Variants in CSMD1 observed in about 807,000 individuals in gnomAD.
The protein encoded by CSMD1 is CUB and Sushi multiple domains 1, also known as CUB and sushi domain-containing protein 1.
A neutral mutation model predicts 417.5 loss-of-function variants in CSMD1; 213 were observed. That is an observed-to-expected ratio of 0.51 (90% CI 0.46 to 0.57). The LOEUF (loss-of-function observed/expected upper bound fraction) is 0.57, where lower values mean the gene tolerates loss of function less well. CSMD1 is among the 20% of genes least tolerant of loss of function. The pLI, the probability that CSMD1 is intolerant of heterozygous loss-of-function variation, is 0.00. For missense variants in CSMD1, 6,923 were observed against 4,529.7 expected, an observed-to-expected ratio of 1.53 and a Z score of -15.17; for synonymous variants, 2,862 against 1,736.8, an observed-to-expected ratio of 1.65 and a Z score of -16.11.
intron 18 of CSMD1, among the ~76,000 whole-genome samples, chr8:3,371,367 T>C (rs1437185494): frequency 6.6e-6 from 1 of 152,170 alleles, no homozygotes; most frequent in Non-Finnish European, 1.5e-5. Context: ...TCATTCCTGC[T>C]TGCTGAAGAA....
chr8:3,784,004 T>A (rs1022299000), intron 5 of CSMD1, among the ~76,000 whole-genome samples: 2 of 152,216 alleles, frequency 1.3e-5, no homozygotes, highest in Non-Finnish European at 1.5e-5. Context: ...CCTTTCTTAT[T>A]TGCAAAATGT....
At chr8:3,078,175 A>G (rs1280795817) in intron 49 of CSMD1, among the ~76,000 whole-genome samples, 1 of 152,190 alleles carries the variant, frequency 6.6e-6, no homozygotes, top group Non-Finnish European at 1.5e-5. Context: ...AAATATTATT[A>G]CTTTGCATAT....
At chr8:4,917,858 A>T (rs1806176802) in intron 1 of CSMD1, among the ~76,000 whole-genome samples, 1 of 152,132 alleles carries the variant, frequency 6.6e-6, no homozygotes, top group Admixed American at 6.5e-5. Flanking sequence ...CAAAGACTGT[A>T]ACATTTGAGA....
chr8:4,017,966 C>T (rs773854225), intron 4 of CSMD1, among the ~76,000 whole-genome samples: 4 of 152,152 alleles, frequency 2.6e-5, no homozygotes, highest in Non-Finnish European at 5.9e-5. Flanking sequence ...TAGCGGCATG[C>T]ATTTATACAT....
At chr8:3,845,359 C>T (rs1265232845) in intron 5 of CSMD1, among the ~76,000 whole-genome samples, 1 of 152,204 alleles carries the variant, frequency 6.6e-6, no homozygotes, top group Non-Finnish European at 1.5e-5. Flanking sequence ...TCCTGGACCA[C>T]ACACCTGTAC....
At chr8:3,603,694 A>T (rs1801471094) in intron 8 of CSMD1, among the ~76,000 whole-genome samples, 1 of 152,222 alleles carries the variant, frequency 6.6e-6, no homozygotes, top group African/African-American at 2.4e-5. Context: ...TCCCTCTTGT[A>T]TTCATTATAG....
intron 5 of CSMD1, among the ~76,000 whole-genome samples, chr8:3,825,687 T>C (rs547613794): frequency 1.3e-5 from 2 of 151,836 alleles, no homozygotes; most frequent in Admixed American, 6.6e-5. Flanking sequence ...GCTCAAGAGC[T>C]CCCTCAAAGA....
chr8:3,145,916 T>C (rs922017709), intron 40 of CSMD1, among the ~76,000 whole-genome samples: 2 of 152,252 alleles, frequency 1.3e-5, no homozygotes, highest in African/African-American at 4.8e-5. Context: ...CAGAGAATTT[T>C]TGCCTTTGGC....
chr8:4,245,850 A>T (rs1300643298), intron 3 of CSMD1, among the ~76,000 whole-genome samples: 1 of 152,194 alleles, frequency 6.6e-6, no homozygotes, highest in African/African-American at 2.4e-5. Context: ...ACATAATCAC[A>T]TAATCTTTGA....
intron 3 of CSMD1, among the ~76,000 whole-genome samples, chr8:4,362,976 C>G (rs1001312959): frequency 3.3e-5 from 5 of 152,142 alleles, no homozygotes; most frequent in East Asian, 1.9e-4. Context: ...AAACTGCTAT[C>G]AACAAACATC....
At chr8:4,941,849 C>T (rs1378295881) in intron 1 of CSMD1, among the ~76,000 whole-genome samples, 1 of 152,188 alleles carries the variant, frequency 6.6e-6, no homozygotes, top group Admixed American at 6.5e-5. Flanking sequence ...ATCCTCCCAC[C>T]TCAGCCTACC....
At chr8:4,370,454 C>G (rs1183874756) in intron 3 of CSMD1, among the ~76,000 whole-genome samples, 2 of 152,164 alleles carry the variant, frequency 1.3e-5, no homozygotes, top group South Asian at 4.2e-4. Context: ...CATGGAGATT[C>G]TCTGAATTTC....
Position 3,387,525 on chromosome 8 carries a change from GT to G in CSMD1, c.2750del (p.His917ProfsTer38). The G allele has an allele frequency of 1.2e-6, 2 of 1,602,448 alleles. No individual in the cohort carries two copies. Among genetic ancestry groups the G allele is most frequent in the Non-Finnish European group, 1.7e-6 (2 of 1,174,472 alleles). ...DDEPLVCERN[H>X]QWNHALPSCD... is the part of the protein sequence containing the mutation. ...AGCTGGGCAAGGCGTGGTTCCACTG[GT>G]GGTTCCTCTCACAGACGAGGGGCTC... On this transcript the variant is annotated frameshift_variant, in exon 18 of 70. Coordinates refer to ENST00000635120, the MANE Select transcript of CSMD1 (RefSeq NM_033225.6). LOFTEE classifies it high-confidence loss of function.
At chr8:4,469,867 CCT>C (rs1491201254) in intron 2 of CSMD1, among the ~76,000 whole-genome samples, 1 of 145,040 alleles carries the variant, frequency 6.9e-6, no homozygotes, top group Admixed American at 6.8e-5. Context: ...CTTTGGTTTT[CCT>C]TTTTTTTTTT....
intron 12 of CSMD1, among the ~76,000 whole-genome samples, chr8:3,452,063 A>C (rs1402598940): frequency 6.6e-6 from 1 of 152,012 alleles, no homozygotes; most frequent in Non-Finnish European, 1.5e-5. Flanking sequence ...TAGGTATTTT[A>C]TTCTCTTTGA....
chr8:3,860,836 T>C (rs1179905758), intron 5 of CSMD1, among the ~76,000 whole-genome samples: 1 of 152,208 alleles, frequency 6.6e-6, no homozygotes, highest in Non-Finnish European at 1.5e-5. Context: ...ACGTGTTCTC[T>C]AAGAAAAATA....
At chr8:3,182,841 G>GGGGTGGGTGTGT (rs768081848) in intron 36 of CSMD1, 2 of 11,470 alleles carry the variant, frequency 1.7e-4, no homozygotes, top group Non-Finnish European at 3.4e-4. Flanking sequence ...TTTATAAGAA[G>GGGGTGGGTGTGT]GTGTGTGTGT....
At chr8:3,770,304 G>T (rs1184616116) in intron 5 of CSMD1, among the ~76,000 whole-genome samples, 2 of 152,166 alleles carry the variant, frequency 1.3e-5, no homozygotes, top group African/African-American at 4.8e-5. Context: ...GAGGGCGGGG[G>T]TGGATCACAA....
intron 5 of CSMD1, among the ~76,000 whole-genome samples, chr8:3,850,096 A>C (rs2975385): frequency 6.6e-6 from 1 of 152,144 alleles, no homozygotes; most frequent in Non-Finnish European, 1.5e-5. Context: ...GCACCCAGCA[A>C]AGAGTATATC....
Sources: allele counts gnomAD v4.1 joint callset (sites outside exome capture counted in the v4.1 genomes callset), GRCh38; gene constraint gnomAD v4.1.1; transcripts MANE v1.5; gene names NCBI Gene and HGNC (gene_info 2026-07-23, HGNC 2026-07-21).